Variants in NOL9 observed in about 807,000 individuals in gnomAD.
NOL9 encodes polynucleotide 5'-hydroxyl-kinase NOL9.
In NOL9, 28 loss-of-function variants were observed where a neutral mutation model predicts 67.9. The ratio of observed to expected loss-of-function variants is 0.41; its 90% CI spans 0.31 to 0.57. The LOEUF (loss-of-function observed/expected upper bound fraction) is 0.57. Ranked by LOEUF, NOL9 falls within the 20% of genes least tolerant of loss-of-function variation. The pLI, the probability that NOL9 is intolerant of heterozygous loss-of-function variation, is 0.25. For missense variants in NOL9, 777 were observed against 897.0 expected (o/e 0.87, Z 1.71); for synonymous variants, 356 against 352.2 (o/e 1.01, Z -0.12).
chr1:6,544,590 G>A (rs1639380070), intron 5 of NOL9, among the ~76,000 whole-genome samples: 1 of 114,252 alleles, frequency 8.8e-6, no homozygotes, highest in Non-Finnish European at 1.6e-5. Flanking sequence ...CAGACTCTGA[G>A]ACCAAGTGTC....
intron 5 of NOL9, among the ~76,000 whole-genome samples, chr1:6,543,102 C>T (rs557543860): frequency 6.6e-6 from 1 of 151,854 alleles, no homozygotes; most frequent in East Asian, 1.9e-4. Context: ...TTACGTTGCC[C>T]AGGCTGGTCC....
intron 6 of NOL9, among the ~76,000 whole-genome samples, chr1:6,533,880 A>G (rs1349682681): frequency 6.6e-6 from 1 of 151,426 alleles, no homozygotes; most frequent in East Asian, 1.9e-4. Context: ...TATAGCCTCT[A>G]ATTTTCTTTC....
Position 6,525,898 on chromosome 1 carries a change from C to CT in NOL9, c.2064dup (p.Glu689ArgfsTer8). ...AACTTAGGTCTTCGGTATGGTTTCT[C>CT]TTTATGTGCCTCCTCAGGTTCTCTT... is the stretch of plus-strand genomic sequence containing the variant. On this transcript the variant is annotated frameshift_variant, in exon 12 of 12. Coordinates refer to ENST00000377705, the MANE Select transcript of NOL9 (RefSeq NM_024654.5). LOFTEE classifies it low-confidence loss of function (END_TRUNC). 1 of 1,614,166 alleles carries CT rather than the reference C, an allele frequency of 6.2e-7. No individual in the cohort carries two copies. The highest frequency in any genetic ancestry group is 8.5e-7 in the Non-Finnish European group (1 of 1,180,030).
intron 9 of NOL9, among the ~76,000 whole-genome samples, chr1:6,529,795 G>A (rs968713844): frequency 2.7e-5 from 4 of 150,828 alleles, no homozygotes; most frequent in African/African-American, 9.7e-5. Flanking sequence ...GGATGGTGGT[G>A]CGTGCCTGTA....
At chr1:6,541,572 C>T (rs1639292959) in intron 6 of NOL9, among the ~76,000 whole-genome samples, 1 of 152,148 alleles carries the variant, frequency 6.6e-6, no homozygotes, top group South Asian at 2.1e-4. Context: ...TTCTAATTTA[C>T]ATAAAACAAA....
intron 3 of NOL9, among the ~76,000 whole-genome samples, chr1:6,545,870 T>C (rs1339478344): frequency 1.6e-5 from 2 of 122,204 alleles, no homozygotes; most frequent in Non-Finnish European, 3.2e-5. Context: ...GTCAAGACTG[T>C]GGCACTGCAC....
At chr1:6,549,538 A>G (rs1380609380) in intron 3 of NOL9, 33 bp downstream of exon 3, 2 of 1,609,268 alleles carry the variant, frequency 1.2e-6, no homozygotes, top group African/African-American at 2.7e-5. Flanking sequence ...GGTGCAAGTA[A>G]TTAGCAAAAC....
chr1:6,532,783 C>T, intron 7 of NOL9, 23 bp from the exon 8 acceptor site: 2 of 1,594,808 alleles, frequency 1.3e-6, no homozygotes, highest in Non-Finnish European at 1.7e-6. Context: ...GACATTAGCA[C>T]AGCTGATACA....
At chr1:6,530,633 C>T (rs1002999461) in intron 9 of NOL9, among the ~76,000 whole-genome samples, 6 of 152,254 alleles carry the variant, frequency 3.9e-5, no homozygotes, top group Admixed American at 3.9e-4. Flanking sequence ...CTGGAGCCCA[C>T]ACCACCATCG....
intron 9 of NOL9, among the ~76,000 whole-genome samples, chr1:6,531,005 G>GT (rs1201557044): frequency 6.6e-6 from 1 of 152,194 alleles, no homozygotes; most frequent in Non-Finnish European, 1.5e-5. Context: ...CAGGACCACG[G>GT]TAAGTAGTGG....
chr1:6,536,861 C>G (rs1639167263), intron 6 of NOL9, among the ~76,000 whole-genome samples: 1 of 152,026 alleles, frequency 6.6e-6, no homozygotes, highest in Non-Finnish European at 1.5e-5. Context: ...AGTAAAACAG[C>G]ATGGCAGGAT....
Position 6,526,845 on chromosome 1 carries a change from A to G in NOL9, c.1826-16T>C, listed in dbSNP as rs1320798494. On this transcript the variant is annotated splice_polypyrimidine_tract_variant and intron_variant, in intron 10 of 11. Coordinates refer to ENST00000377705, the MANE Select transcript of NOL9 (RefSeq NM_024654.5). ...CTACAGATGCCTTCAAGACACGCGCACAACACAAAAATCACCCTTTTGGAA... is the reference window on the plus strand; with the variant it reads ...CTACAGATGCCTTCAAGACACGCGCGCAACACAAAAATCACCCTTTTGGAA... 7 of 1,568,878 alleles carry G rather than the reference A, an allele frequency of 4.5e-6. No homozygotes were observed. Among genetic ancestry groups the G allele is most frequent in the East Asian group, 2.3e-5 (1 of 44,378 alleles).
At position 6,551,916 on chromosome 1, in the gene NOL9, T is replaced by A. The variant is rs564599882; in HGVS notation, c.397-1301A>T. Among the ~76,000 whole-genome samples, 9 of 152,112 alleles carry A rather than the reference T, an allele frequency of 5.9e-5. No homozygotes were observed. The East Asian group carries it at 1.4e-3, about 23-fold the overall frequency. ...CAGGTGTGGTGGCGGGCACCTGTAGTCCCAACTACTCGGGAGGCTGAGGCA... is the reference window on the plus strand; with the variant it reads ...CAGGTGTGGTGGCGGGCACCTGTAGACCCAACTACTCGGGAGGCTGAGGCA... On this transcript the variant is annotated intron_variant, in intron 1 of 11. Transcript: ENST00000377705.
Position 6,554,276 on chromosome 1 carries a change from C to T in NOL9, c.227G>A (p.Arg76Gln). The change falls in exon 1 of 12, where the codon CGG (arginine) becomes CAG (glutamine). Residue 76 changes from arginine to glutamine, a missense_variant. Coordinates refer to ENST00000377705, the MANE Select transcript of NOL9 (RefSeq NM_024654.5). ...GCTGGGGGTCGCGGTGTTGGGTCTCCGGGCCGCCGCCGCGCGCGACACCTG... is the reference window on the plus strand; with the variant it reads ...GCTGGGGGTCGCGGTGTTGGGTCTCTGGGCCGCCGCCGCGCGCGACACCTG... ...ARQVSRAAAA[R>Q]RPNTATPSPI... 6.8e-7 allele frequency: 1 copy of T among 1,473,590 alleles called. No homozygotes were observed. 91.3% of individuals were successfully genotyped at this position (1,473,590 alleles called of 1,614,324 possible). A position where few individuals can be genotyped will look rare whatever the true frequency, so the allele number is the denominator to read the frequency against.
chr1:6,532,331 G>A (rs905792576), intron 8 of NOL9, 132 bp downstream of exon 8: 18 of 871,918 alleles, frequency 2.1e-5, no homozygotes, highest in Middle Eastern at 6.2e-4. Context: ...CAACTGGTTC[G>A]TCTTTGTGCA....
chr1:6,554,220 G>C lies in NOL9; in HGVS notation c.283C>G (p.Pro95Ala). ...GATTCGAGTTCGGGTTCGGACTCGG[G>C]TTCGGAGGCCGGGGTCGGGCTAGGG... ...PIPSPTPASE[P>A]ESEPELESAS... The change falls in exon 1 of 12, where the codon CCC becomes GCC. Residue 95 changes from proline (P) to alanine (A), a missense_variant. By Grantham distance (27) the Pro-to-Ala change is conservative (BLOSUM62 -1). Transcript: ENST00000377705. The C allele has an allele frequency of 6.6e-7, 1 of 1,516,502 alleles. No individual in the cohort carries two copies. Among genetic ancestry groups the C allele is most frequent in the South Asian group, 1.2e-5 (1 of 81,850 alleles). 93.9% of individuals were successfully genotyped at this position (1,516,502 alleles called of 1,614,324 possible). A position where few individuals can be genotyped will look rare whatever the true frequency, so the allele number is the denominator to read the frequency against.
chr1:6,553,190 T>C (rs1256401343), intron 1 of NOL9, among the ~76,000 whole-genome samples: 3 of 152,222 alleles, frequency 2.0e-5, no homozygotes. Flanking sequence ...CTCGGCTCTG[T>C]GCTCCTGGTT....
At chr1:6,550,760 C>G in intron 1 of NOL9, 145 bp from the exon 2 acceptor site, 1 of 599,248 alleles carries the variant, frequency 1.7e-6, no homozygotes, top group Non-Finnish European at 2.9e-6. Flanking sequence ...CTCGGCTCAC[C>G]GCAACCTCCA....
In NOL9 at chr1:6,549,681, T is replaced by A. The variant is rs757638711; in HGVS notation, c.634A>T (p.Met212Leu). The A allele has an allele frequency of 6.2e-6, 10 of 1,614,008 alleles. No individual in the cohort carries two copies. The highest frequency in any genetic ancestry group is 1.1e-5 in the South Asian group (1 of 91,086). Residue 212 changes from methionine (M) to leucine (L), a missense_variant, in exon 3 of 12, where the codon ATG becomes TTG. Physicochemically the swap from Met to Leu is conservative, Grantham distance 15. Transcript: ENST00000377705. ...HLNLDDRRWS[M>L]QNFSPQCSIV... ...GAACACTGAGGAGAAAAATTCTGCA[T>A]CGACCAACGCCTGTCATCTGTAAAG...
Sources: allele counts gnomAD v4.1 joint callset (sites outside exome capture counted in the v4.1 genomes callset), GRCh38; gene constraint gnomAD v4.1.1; transcripts MANE v1.5; gene names NCBI Gene and HGNC (gene_info 2026-07-23, HGNC 2026-07-21).